Variants in ATAD2B observed in about 807,000 individuals in gnomAD.
The protein encoded by ATAD2B is ATPase family AAA domain containing 2B.
ATAD2B carries 40 observed loss-of-function variants against 167.6 expected under a neutral mutation model. That is an observed-to-expected ratio of 0.24 (90% CI 0.19 to 0.31). ATAD2B has a LOEUF of 0.31. Ranked by LOEUF, ATAD2B falls within the 10% of genes least tolerant of loss-of-function variation. The probability of loss-of-function intolerance (pLI) is 1.00; values close to 1 mark genes in which losing one functional copy is unlikely to be tolerated. For missense variants in ATAD2B, 1,242 were observed against 1,757.2 expected, an observed-to-expected ratio of 0.71 and a Z score of 5.24; for synonymous variants, 579 against 596.5, an observed-to-expected ratio of 0.97 and a Z score of 0.43.
rs544468194 is a variant in ATAD2B at position 23,830,173 on chromosome 2, G to A, written c.1729-1234C>T. On this transcript the variant is annotated intron_variant, in intron 14 of 27. Transcript: ENST00000238789. ...TAATTTTTGTATTTTTAGTAGAGAC[G>A]GAGTTTCACCATGTTGGCCAGGCTG... 1.6e-4 allele frequency among the ~76,000 whole-genome samples: 24 copies of A among 152,054 alleles called. No individual in the cohort carries two copies. The South Asian group carries it at 5.0e-3, about 32-fold the overall frequency.
chr2:23,910,628 G>T (rs964709430), intron 1 of ATAD2B, among the ~76,000 whole-genome samples: 1 of 150,448 alleles, frequency 6.6e-6, no homozygotes, highest in Non-Finnish European at 1.5e-5. Context: ...AGCAGTTTGG[G>T]AGGCCGAGGC....
intron 8 of ATAD2B, among the ~76,000 whole-genome samples, chr2:23,875,362 T>C (rs1233144593): frequency 6.6e-6 from 1 of 151,814 alleles, no homozygotes; most frequent in Non-Finnish European, 1.5e-5. Context: ...TAGCTGGGCA[T>C]GGTGGCGCAC....
rs776399968 is a variant in ATAD2B at position 23,861,928 on chromosome 2, CAG to C, written c.1479+1451_1479+1452del. On this transcript the variant is annotated intron_variant, in intron 12 of 27. Transcript: ENST00000238789. ...TTTTAAAATAGTACTGGGCCAGACACAGAGGCTCATGCCTATAATCCCAACAC... is the reference window on the plus strand; with the variant it reads ...TTTTAAAATAGTACTGGGCCAGACACAGGCTCATGCCTATAATCCCAACAC... 3.1e-4 allele frequency among the ~76,000 whole-genome samples: 47 copies of C among 152,206 alleles called. 1 individual carries two copies. The highest frequency in any genetic ancestry group is 3.9e-4 in the Admixed American group (6 of 15,288).
chr2:23,809,636 A>G (rs959232391), intron 18 of ATAD2B, among the ~76,000 whole-genome samples: 3 of 152,182 alleles, frequency 2.0e-5, no homozygotes, highest in African/African-American at 7.2e-5. Context: ...TTATTATTCA[A>G]ACATTTAATG....
intron 21 of ATAD2B, among the ~76,000 whole-genome samples, chr2:23,784,621 G>A (rs1168409545): frequency 6.6e-6 from 1 of 152,156 alleles, no homozygotes; most frequent in Non-Finnish European, 1.5e-5. Flanking sequence ...AGCATGGGAA[G>A]TTGAGTTGGG....
intron 9 of ATAD2B, among the ~76,000 whole-genome samples, chr2:23,869,024 CT>C (rs1402873535): frequency 6.6e-6 from 1 of 152,098 alleles, no homozygotes; most frequent in Non-Finnish European, 1.5e-5. Flanking sequence ...ATGAGAAATT[CT>C]TTTTTAGTAC....
intron 15 of ATAD2B, among the ~76,000 whole-genome samples, chr2:23,824,713 T>G (rs1407341044): frequency 6.6e-6 from 1 of 152,214 alleles, no homozygotes; most frequent in Non-Finnish European, 1.5e-5. Flanking sequence ...CAAGCCCCAC[T>G]GTTTTTAAGT....
intron 1 of ATAD2B, among the ~76,000 whole-genome samples, chr2:23,901,968 T>G (rs1440509219): frequency 2.0e-5 from 3 of 152,212 alleles, no homozygotes; most frequent in Non-Finnish European, 4.4e-5. Context: ...TTAAGTGAGT[T>G]TTGCACATTT....
intron 18 of ATAD2B, chr2:23,800,082 A>AT (rs201957619): frequency 5.1e-5 from 5 of 98,902 alleles, no homozygotes; most frequent in Non-Finnish European, 6.7e-5. Context: ...TGAGGCACTT[A>AT]TTTAAAAAAA....
chr2:23,863,622 A>G, intron 11 of ATAD2B, 67 bp from the exon 12 acceptor site: 3 of 1,351,778 alleles, frequency 2.2e-6, no homozygotes, highest in South Asian at 2.9e-5. Flanking sequence ...CAATTTTAAA[A>G]AATGTCCCCC....
At chr2:23,725,165 T>G in the ATAD2B span, among the ~76,000 whole-genome samples, 11 of 152,034 alleles carry the variant, frequency 7.2e-5, no homozygotes, top group Admixed American at 7.2e-4. Flanking sequence ...AAATAACATT[T>G]TAAAGTGCTG....
the ATAD2B span, among the ~76,000 whole-genome samples, chr2:23,743,367 G>C: frequency 1.3e-5 from 2 of 152,086 alleles, no homozygotes; most frequent in African/African-American, 2.4e-5. Context: ...AGGAGTTCGA[G>C]ACCAGCCTGA....
the ATAD2B span, among the ~76,000 whole-genome samples, chr2:23,709,258 T>G: frequency 1.4e-4 from 21 of 152,200 alleles, no homozygotes; most frequent in Admixed American, 3.3e-4. Context: ...GTCAGGGTGG[T>G]CTCGAACTCC....
chr2:23,864,780 C>T, intron 11 of ATAD2B, 29 bp downstream of exon 11: 4 of 1,081,664 alleles, frequency 3.7e-6, no homozygotes, highest in Non-Finnish European at 5.4e-6. Flanking sequence ...ACAGTAATAA[C>T]AATAATAAAC....
In ATAD2B at chr2:23,819,739, T is replaced by C. The variant is rs1310398334; in HGVS notation, c.2267+8A>G. 2 of 1,585,312 alleles carry C rather than the reference T, an allele frequency of 1.3e-6. No homozygotes were observed. On this transcript the variant is annotated splice_region_variant and intron_variant, in intron 17 of 27. Coordinates refer to ENST00000238789, the MANE Select transcript of ATAD2B (RefSeq NM_017552.4). ...TAAATACAAAGAAAGTTGATATAAATCACTCACATTGTAAAATGAAGGTAG... is the reference window on the plus strand; with the variant it reads ...TAAATACAAAGAAAGTTGATATAAACCACTCACATTGTAAAATGAAGGTAG...
At chr2:23,738,876 CA>C in the ATAD2B span, among the ~76,000 whole-genome samples, 1 of 151,442 alleles carries the variant, frequency 6.6e-6, no homozygotes, top group Admixed American at 6.6e-5. Context: ...AAATGGAAAA[CA>C]AAAAAAGGCA....
chr2:23,896,762 T>C (rs752856043), intron 1 of ATAD2B, among the ~76,000 whole-genome samples: 1 of 152,162 alleles, frequency 6.6e-6, no homozygotes, highest in Non-Finnish European at 1.5e-5. Context: ...GAAACACATA[T>C]TGCATTTAGT....
At chr2:23,886,333 A>C (rs1698656689) in intron 4 of ATAD2B, among the ~76,000 whole-genome samples, 1 of 152,158 alleles carries the variant, frequency 6.6e-6, no homozygotes, top group Admixed American at 6.5e-5. Context: ...CTACCTTAAT[A>C]TATACATTAA....
At chr2:23,801,801 G>A (rs889701441) in intron 18 of ATAD2B, among the ~76,000 whole-genome samples, 40 of 152,048 alleles carry the variant, frequency 2.6e-4, no homozygotes, top group Non-Finnish European at 4.7e-4. Context: ...ATTGAAGTTA[G>A]AAGTATCCAT....
Sources: gnomAD v4.1 joint callset for allele counts (sites outside exome capture counted in the v4.1 genomes callset) on GRCh38, gnomAD v4.1.1 for gene constraint, MANE v1.5 for transcripts, NCBI Gene and HGNC (gene_info 2026-07-23, HGNC 2026-07-21) for gene names.